VRK2: variants seen among roughly 807,000 people sequenced by gnomAD.
The protein encoded by VRK2 is VRK serine/threonine kinase 2.
A neutral mutation model predicts 57.6 loss-of-function variants in VRK2; 60 were observed. The ratio of observed to expected loss-of-function variants is 1.04; its 90% CI spans 0.85 to 1.29. The LOEUF is 1.29. Ranked by LOEUF, VRK2 falls within the 50% of genes most tolerant of loss-of-function variation. The probability of loss-of-function intolerance (pLI) is 0.00; values close to 1 mark genes in which losing one functional copy is unlikely to be tolerated. For synonymous variants in VRK2, 231 were observed against 199.2 expected (o/e 1.16, Z -1.35); for missense variants, 705 against 588.1 (o/e 1.20, Z -2.06).
chr2:58,139,497 C>T (rs1681017385), intron 10 of VRK2, among the ~76,000 whole-genome samples, 169 bp from the exon 11 acceptor site: 1 of 152,032 alleles, frequency 6.6e-6, no homozygotes, highest in Non-Finnish European at 1.5e-5. Flanking sequence ...ATATTTCAGT[C>T]ATTTTTGAAT....
intron 12 of VRK2, among the ~76,000 whole-genome samples, chr2:58,149,771 G>A (rs1414522807): frequency 6.6e-6 from 1 of 151,544 alleles, no homozygotes; most frequent in Non-Finnish European, 1.5e-5. Context: ...CTTTTGAGAT[G>A]ATCACATGAT....
chr2:58,139,647 A>G lies in VRK2; in HGVS notation c.857-19A>G, dbSNP rs373162726. 5 of 1,600,462 alleles carry G rather than the reference A, an allele frequency of 3.1e-6. No individual in the cohort carries two copies. The highest frequency in any genetic ancestry group is 1.3e-5 in the African/African-American group (1 of 74,084). Reference sequence around the variant, plus strand: ...CTTGCCAATTGTGAATGACATGTAAAAAATTTAATAATTCACAGGTGAAAT... The same window carrying G: ...CTTGCCAATTGTGAATGACATGTAAGAAATTTAATAATTCACAGGTGAAAT... On this transcript the variant is annotated intron_variant, in intron 10 of 12. Coordinates refer to ENST00000340157, the MANE Select transcript of VRK2 (RefSeq NM_006296.7).
chr2:57,956,153 G>A (rs893307499), intron 1 of VRK2, among the ~76,000 whole-genome samples: 4 of 152,168 alleles, frequency 2.6e-5, no homozygotes, highest in South Asian at 2.1e-4. Context: ...GGCAAAGGAC[G>A]GAGGATTGCT....
rs376839400 is a variant in VRK2 at position 58,008,461 on chromosome 2, T to C, written c.-438-17204T>C. The stretch of plus-strand genomic sequence containing the variant: ...GTTTATTTAACAGTAATTTAACAGT[T>C]TATTTAACAATAATGCCTAATGTCT... On this transcript the variant is annotated intron_variant, in intron 1 of 15. Coordinates refer to the VRK2 transcript ENST00000417641. Among the ~76,000 whole-genome samples the C allele has an allele frequency of 3.6e-4, 55 of 152,190 alleles. No individual in the cohort carries two copies. The South Asian group carries it at 7.7e-3, about 21-fold the overall frequency.
At chr2:58,056,585 A>C (rs562764008) in intron 2 of VRK2, among the ~76,000 whole-genome samples, 14 of 142,860 alleles carry the variant, frequency 9.8e-5, no homozygotes, top group African/African-American at 3.8e-4. Context: ...TAGTGTGGCT[A>C]TTTCTGAAGA....
chr2:57,960,866 G>T lies in VRK2; in HGVS notation c.-439+53027G>T, dbSNP rs150784181. On this transcript the variant is annotated intron_variant, in intron 1 of 15. Transcript: ENST00000417641. ...AAAACAAACATAACAGATGGGAAGG[G>T]CCCTGCCCTCCTCCATTATCACCAG... is the stretch of plus-strand genomic sequence containing the variant. 5.1e-3 allele frequency among the ~76,000 whole-genome samples: 780 copies of T among 152,274 alleles called. 4 individuals are homozygous for T. Among genetic ancestry groups the T allele is most frequent in the African/African-American group, 0.018 (746 of 41,568 alleles).
chr2:58,008,454 T>A (rs1257694808), intron 1 of VRK2, among the ~76,000 whole-genome samples: 1 of 152,036 alleles, frequency 6.6e-6, no homozygotes, highest in African/African-American at 2.4e-5. Context: ...AACAGTAATT[T>A]AACAGTTTAT....
chr2:58,109,165 T>C, intron 7 of VRK2, among the ~76,000 whole-genome samples: 1 of 152,174 alleles, frequency 6.6e-6, no homozygotes, highest in East Asian at 1.9e-4. Context: ...TTATTATCAA[T>C]TAAATCAATT....
chr2:57,956,830 T>G (rs1021286601), intron 1 of VRK2, among the ~76,000 whole-genome samples: 1 of 152,170 alleles, frequency 6.6e-6, no homozygotes, highest in Non-Finnish European at 1.5e-5. Flanking sequence ...ACTTCCTTAT[T>G]AAAACACAGT....
intron 1 of VRK2, among the ~76,000 whole-genome samples, chr2:58,014,958 C>T (rs1370494137): frequency 6.6e-6 from 1 of 152,086 alleles, no homozygotes; most frequent in Non-Finnish European, 1.5e-5. Context: ...GATTTTCCCT[C>T]AGTAAAATCC....
chr2:58,028,899 AATAAATATATATATAT>A (rs1314702031), intron 2 of VRK2, among the ~76,000 whole-genome samples: 1,354 of 80,834 alleles, frequency 0.017, 29 homozygotes, highest in African/African-American at 0.056. Context: ...TAAATAAATA[AATAAATATATATATAT>A]ATATATATAT....
chr2:57,920,776 G>A (rs1328365876), intron 1 of VRK2, among the ~76,000 whole-genome samples: 2 of 152,040 alleles, frequency 1.3e-5, no homozygotes, highest in African/African-American at 4.8e-5. Context: ...GATCAACTAT[G>A]GGTGAGAATT....
intron 10 of VRK2, among the ~76,000 whole-genome samples, chr2:58,138,851 C>A (rs1364269302): frequency 6.6e-6 from 1 of 152,192 alleles, no homozygotes; most frequent in African/African-American, 2.4e-5. Flanking sequence ...ATCACCACTT[C>A]TATTCCAATT....
intron 1 of VRK2, among the ~76,000 whole-genome samples, chr2:57,969,549 C>T (rs923089923): frequency 6.6e-6 from 1 of 151,886 alleles, no homozygotes. Flanking sequence ...AGTAAATTCA[C>T]ATCTTATATA....
At chr2:58,034,672 C>T (rs1674217475) in intron 3 of VRK2, among the ~76,000 whole-genome samples, 1 of 151,910 alleles carries the variant, frequency 6.6e-6, no homozygotes, top group South Asian at 2.1e-4. Flanking sequence ...TCCATTCCAT[C>T]AACTTATCTT....
chr2:58,108,590 G>GT (rs1675104041), intron 7 of VRK2, among the ~76,000 whole-genome samples: 1 of 151,928 alleles, frequency 6.6e-6, no homozygotes, highest in South Asian at 2.1e-4. Flanking sequence ...ACATGCTCTG[G>GT]TTGCCCTCTT....
intron 1 of VRK2, among the ~76,000 whole-genome samples, chr2:58,004,384 CT>C (rs1401048036): frequency 6.6e-6 from 1 of 152,118 alleles, no homozygotes; most frequent in African/African-American, 2.4e-5. Context: ...CTATTTCCTT[CT>C]TTCAGGACTT....
intron 9 of VRK2, among the ~76,000 whole-genome samples, chr2:58,133,239 G>A (rs932450374): frequency 2.7e-5 from 4 of 150,032 alleles, no homozygotes; most frequent in African/African-American, 1.0e-4. Flanking sequence ...TTTATAATAG[G>A]ATGTCATATA....
chr2:58,146,220 C>G, intron 11 of VRK2, 96 bp from the exon 12 acceptor site: 7 of 1,091,638 alleles, frequency 6.4e-6, no homozygotes, highest in Non-Finnish European at 8.7e-6. Flanking sequence ...TAAAGCTTGG[C>G]AAGTTTAGAG....
Sources: allele counts gnomAD v4.1 joint callset (sites outside exome capture counted in the v4.1 genomes callset), GRCh38; gene constraint gnomAD v4.1.1; transcripts MANE v1.5; gene names NCBI Gene and HGNC (gene_info 2026-07-23, HGNC 2026-07-21).